Variants in CTNNA2 observed in about 807,000 individuals in gnomAD.
CTNNA2 encodes the protein catenin alpha-2.
CTNNA2 carries 42 observed loss-of-function variants against 101.0 expected under a neutral mutation model. The ratio of observed to expected loss-of-function variants is 0.42; its 90% CI spans 0.32 to 0.54. The LOEUF (loss-of-function observed/expected upper bound fraction) is 0.54. Among genes scored for constraint, CTNNA2 ranks in the 20% least tolerant of loss-of-function variants. The probability of loss-of-function intolerance (pLI) is 0.14; values close to 1 mark genes in which losing one functional copy is unlikely to be tolerated. For missense variants in CTNNA2, 871 were observed against 1,223.1 expected (o/e 0.71, Z 4.29); for synonymous variants, 450 against 456.4 (o/e 0.99, Z 0.18).
At chr2:80,273,552 C>T (rs1315643410) in intron 7 of CTNNA2, among the ~76,000 whole-genome samples, 1 of 152,116 alleles carries the variant, frequency 6.6e-6, no homozygotes, top group Non-Finnish European at 1.5e-5. Context: ...ATGTCAAGCC[C>T]TAACAATGAC....
chr2:80,151,899 G>A (rs756001633), intron 7 of CTNNA2, among the ~76,000 whole-genome samples: 2 of 152,144 alleles, frequency 1.3e-5, no homozygotes, highest in Non-Finnish European at 2.9e-5. Context: ...TGCTGCCATC[G>A]CCAAAATTAC....
intron 7 of CTNNA2, among the ~76,000 whole-genome samples, chr2:79,951,837 C>A (rs1330531572): frequency 6.6e-6 from 1 of 152,164 alleles, no homozygotes; most frequent in African/African-American, 2.4e-5. Context: ...TCTGATGATC[C>A]TGATGCCAAT....
At chr2:80,534,577 C>T (rs571658404) in intron 9 of CTNNA2, among the ~76,000 whole-genome samples, 1 of 152,134 alleles carries the variant, frequency 6.6e-6, no homozygotes, top group Non-Finnish European at 1.5e-5. Context: ...AGAATTCAGT[C>T]TAGCTGGGAA....
intron 18 of CTNNA2, among the ~76,000 whole-genome samples, chr2:80,632,207 G>A (rs771249692): frequency 1.3e-5 from 2 of 152,008 alleles, no homozygotes; most frequent in Middle Eastern, 3.4e-3. Context: ...TACCAGTAAA[G>A]GTGGGCAAGA....
chr2:79,819,858 C>A (rs1425380014), intron 3 of CTNNA2, among the ~76,000 whole-genome samples: 1 of 151,994 alleles, frequency 6.6e-6, no homozygotes, highest in Admixed American at 6.6e-5. Context: ...TTGATCATTA[C>A]ATATTCTATG....
At chr2:80,210,200 T>C (rs1030755653) in intron 7 of CTNNA2, among the ~76,000 whole-genome samples, 2 of 152,226 alleles carry the variant, frequency 1.3e-5, no homozygotes, top group Non-Finnish European at 2.9e-5. Flanking sequence ...ACATACTTTC[T>C]GAACACATTG....
intron 2 of CTNNA2, among the ~76,000 whole-genome samples, chr2:79,673,151 G>A (rs1299158805): frequency 6.6e-6 from 1 of 152,044 alleles, no homozygotes; most frequent in Admixed American, 6.5e-5. Flanking sequence ...TTTTTAAACT[G>A]GGTTTTTATT....
In CTNNA2 at chr2:79,950,241, C is replaced by CA. The variant is rs533765515; in HGVS notation, c.1056+40450dup. On this transcript the variant is annotated intron_variant, in intron 7 of 18. Transcript: ENST00000402739. ...AGAGAAAAATTGTATTCATTACGAA[C>CA]AAAAAACCACACCTGCAAATATTTG... is the stretch of plus-strand genomic sequence containing the variant. Among the ~76,000 whole-genome samples, 122 of 151,680 alleles carry CA rather than the reference C, an allele frequency of 8.0e-4. 1 individual carries two copies. The highest frequency in any genetic ancestry group is 2.8e-3 in the African/African-American group (115 of 41,372).
intron 17 of CTNNA2, among the ~76,000 whole-genome samples, chr2:80,615,883 C>T (rs542673926): frequency 9.2e-5 from 14 of 151,772 alleles, no homozygotes; most frequent in Admixed American, 7.2e-4. Context: ...TTTACTGCAT[C>T]GGAACACATT....
Position 80,306,177 on chromosome 2 carries a change from C to G in CTNNA2, c.1057-87034C>G, listed in dbSNP as rs372126882. Among the ~76,000 whole-genome samples, 3 of 152,264 alleles carry G rather than the reference C, an allele frequency of 2.0e-5. No individual in the cohort carries two copies. The East Asian group carries it at 5.8e-4, about 30-fold the overall frequency. ...TCTGAGCTCTGCCCTGGTCATTCAT[C>G]TCTGAGATGTATCATTTAATTGGAA... is the stretch of plus-strand genomic sequence containing the variant. On this transcript the variant is annotated intron_variant, in intron 7 of 18. Transcript: ENST00000402739.
intron 4 of CTNNA2, among the ~76,000 whole-genome samples, chr2:79,386,039 A>T (rs1219639510): frequency 6.6e-6 from 1 of 152,212 alleles, no homozygotes; most frequent in African/African-American, 2.4e-5. Flanking sequence ...TCCTTTGAGT[A>T]TATACCCAGT....
At chr2:79,269,965 G>T (rs981239487) in intron 2 of CTNNA2, among the ~76,000 whole-genome samples, 4 of 152,178 alleles carry the variant, frequency 2.6e-5, no homozygotes, top group South Asian at 2.1e-4. Flanking sequence ...GATGGCCACT[G>T]GTGGCTGGGG....
chr2:80,423,816 G>T lies in CTNNA2; in HGVS notation c.1290+4215G>T, dbSNP rs181434772. Among the ~76,000 whole-genome samples the T allele has an allele frequency of 6.3e-3, 953 of 152,246 alleles. 12 individuals are homozygous for T. Among genetic ancestry groups the T allele is most frequent in the African/African-American group, 0.021 (890 of 41,542 alleles). ...TGTTAGGGCATGTGGCTGGGATCAG[G>T]ATTTCTATGTGACAGCCAGGATTTG... On this transcript the variant is annotated intron_variant, in intron 9 of 18. Coordinates refer to ENST00000402739, the MANE Select transcript of CTNNA2 (RefSeq NM_001282597.3).
At chr2:79,382,858 C>T (rs1436589467) in intron 4 of CTNNA2, among the ~76,000 whole-genome samples, 4 of 152,182 alleles carry the variant, frequency 2.6e-5, no homozygotes, top group Non-Finnish European at 5.9e-5. Context: ...TCGTGATCCA[C>T]CCGCCTTGGC....
chr2:80,127,180 A>G (rs570297651), intron 7 of CTNNA2, among the ~76,000 whole-genome samples: 5 of 152,298 alleles, frequency 3.3e-5, no homozygotes, highest in African/African-American at 4.8e-5. Flanking sequence ...CTGTCCCCAA[A>G]TCAACTTTAT....
intron 2 of CTNNA2, among the ~76,000 whole-genome samples, chr2:79,721,067 TTTA>T (rs1213649439): frequency 1.4e-5 from 2 of 145,228 alleles, no homozygotes; most frequent in Admixed American, 6.9e-5. Flanking sequence ...TTTTTTTTTT[TTTA>T]AATCACATCA....
intron 1 of CTNNA2, among the ~76,000 whole-genome samples, chr2:79,534,115 C>T (rs1336482414): frequency 6.6e-6 from 1 of 152,138 alleles, no homozygotes; most frequent in South Asian, 2.1e-4. Flanking sequence ...TGTTTCTTTT[C>T]AGGCTTGTTT....
chr2:79,953,188 T>G (rs1689004833), intron 7 of CTNNA2, among the ~76,000 whole-genome samples: 1 of 152,194 alleles, frequency 6.6e-6, no homozygotes, highest in Admixed American at 6.5e-5. Flanking sequence ...CCTAGTGAGT[T>G]GACCCTCACT....
upstream of CTNNA2, among the ~76,000 whole-genome samples, chr2:79,511,116 A>G (rs1262715967): frequency 2.6e-5 from 4 of 152,212 alleles, no homozygotes; most frequent in Non-Finnish European, 4.4e-5. Flanking sequence ...TAAAAAGTCA[A>G]TTCTTACGTG....
Sources: gnomAD v4.1 joint callset for allele counts (sites outside exome capture counted in the v4.1 genomes callset) on GRCh38, gnomAD v4.1.1 for gene constraint, MANE v1.5 for transcripts, NCBI Gene and HGNC (gene_info 2026-07-23, HGNC 2026-07-21) for gene names.